MARCHF1: variants seen among roughly 807,000 people sequenced by gnomAD.
MARCHF1 encodes membrane associated ring-CH-type finger 1.
In MARCHF1, 40 loss-of-function variants were observed where a neutral mutation model predicts 54.2. The observed-to-expected ratio is 0.74, with a 90% CI of 0.57 to 0.96. The LOEUF (loss-of-function observed/expected upper bound fraction) is 0.96, where lower values mean the gene tolerates loss of function less well. Ranked by LOEUF, MARCHF1 falls within the 40% of genes least tolerant of loss-of-function variation. MARCHF1 has a pLI of 0.00. For missense variants in MARCHF1, 586 were observed against 656.5 expected (o/e 0.89, Z 1.17); for synonymous variants, 236 against 236.3 (o/e 1.00, Z 0.01).
intron 1 of MARCHF1, chr4:164,189,038 T>C: frequency 1.4e-6 from 1 of 690,750 alleles, no homozygotes; most frequent in Non-Finnish European, 2.6e-6. Flanking sequence ...GAAGACATCC[T>C]GTTGTTCCAC....
At chr4:164,159,792 GA>G (rs1226149803) in intron 1 of MARCHF1, among the ~76,000 whole-genome samples, 1 of 152,182 alleles carries the variant, frequency 6.6e-6, no homozygotes, top group Non-Finnish European at 1.5e-5. Flanking sequence ...AGTGGAAAGA[GA>G]AATGAATTTA....
intron 1 of MARCHF1, among the ~76,000 whole-genome samples, chr4:164,114,966 ATCAAATGAAATGTGTTCCCTTACAATC>A (rs1217459423): frequency 3.9e-5 from 6 of 152,044 alleles, no homozygotes; most frequent in Non-Finnish European, 8.8e-5. Context: ...CTGAAGAATC[ATCAAATGAAATGTGTTCCCTTACAATC>A]TCAGAAGGTG....
chr4:164,377,200 C>G (rs538782619), intron 1 of MARCHF1, among the ~76,000 whole-genome samples: 3 of 151,590 alleles, frequency 2.0e-5, no homozygotes, highest in Admixed American at 6.6e-5. Context: ...CGTCACCAGG[C>G]AGACTTAACA....
At chr4:164,240,635 T>G (rs1049115780) in intron 1 of MARCHF1, among the ~76,000 whole-genome samples, 1 of 152,072 alleles carries the variant, frequency 6.6e-6, no homozygotes, top group Admixed American at 6.6e-5. Flanking sequence ...TTTGCAAAAA[T>G]TGTAACAGTG....
At chr4:164,244,082 G>C (rs1368311063) in intron 1 of MARCHF1, among the ~76,000 whole-genome samples, 1 of 151,994 alleles carries the variant, frequency 6.6e-6, no homozygotes, top group Admixed American at 6.6e-5. Flanking sequence ...TCCAGGAATT[G>C]AACTCAGCTC....
chr4:164,117,149 T>C (rs1755954805), intron 1 of MARCHF1, among the ~76,000 whole-genome samples: 1 of 151,944 alleles, frequency 6.6e-6, no homozygotes, highest in Non-Finnish European at 1.5e-5. Flanking sequence ...TCCCAGCTAC[T>C]TGGGAGGCTG....
intron 1 of MARCHF1, among the ~76,000 whole-genome samples, chr4:164,294,252 A>G (rs941040195): frequency 3.9e-5 from 6 of 152,322 alleles, no homozygotes; most frequent in African/African-American, 1.4e-4. Context: ...CTCAGCTTGC[A>G]GACAGCCCAC....
At chr4:163,803,312 T>C (rs1748133642) in intron 4 of MARCHF1, among the ~76,000 whole-genome samples, 1 of 152,148 alleles carries the variant, frequency 6.6e-6, no homozygotes, top group African/African-American at 2.4e-5. Flanking sequence ...TAGCTGGGAT[T>C]ACAGGTGTGC....
At chr4:164,144,498 G>A (rs545472059) in intron 1 of MARCHF1, among the ~76,000 whole-genome samples, 5 of 151,930 alleles carry the variant, frequency 3.3e-5, no homozygotes, top group African/African-American at 1.2e-4. Context: ...AATCAAACTA[G>A]AACTCAGGAT....
intron 2 of MARCHF1, among the ~76,000 whole-genome samples, chr4:164,057,447 C>T (rs1004344124): frequency 6.6e-6 from 1 of 152,268 alleles, no homozygotes; most frequent in South Asian, 2.1e-4. Flanking sequence ...ATTTTATAAT[C>T]TCCTTCATGT....
At chr4:164,383,682 A>T (rs905892077) in intron 1 of MARCHF1, 188 bp downstream of exon 1, 1 of 152,486 alleles carries the variant, frequency 6.6e-6, no homozygotes, top group Non-Finnish European at 1.5e-5. Context: ...GGGTGGCAGC[A>T]CCCGCCGCGA....
intron 5 of MARCHF1, among the ~76,000 whole-genome samples, chr4:163,639,419 G>A (rs1422298300): frequency 1.3e-5 from 2 of 152,140 alleles, no homozygotes; most frequent in Non-Finnish European, 2.9e-5. Flanking sequence ...GAGAGAAACA[G>A]TGGTAAACAT....
At chr4:164,142,981 G>C (rs1262066513) in intron 1 of MARCHF1, among the ~76,000 whole-genome samples, 1 of 151,878 alleles carries the variant, frequency 6.6e-6, no homozygotes, top group African/African-American at 2.4e-5. Context: ...GCTTAACGGA[G>C]CTGATGGAGC....
At chr4:163,630,653 G>A (rs1055814274) in intron 5 of MARCHF1, among the ~76,000 whole-genome samples, 10 of 152,050 alleles carry the variant, frequency 6.6e-5, no homozygotes, top group Non-Finnish European at 1.0e-4. Flanking sequence ...AATGGATTGT[G>A]GTGAGAAAAA....
At chr4:163,651,563 ATTC>A (rs1742968386) in intron 5 of MARCHF1, among the ~76,000 whole-genome samples, 1 of 89,792 alleles carries the variant, frequency 1.1e-5, no homozygotes, top group South Asian at 3.2e-4. Context: ...AGACTTTCTT[ATTC>A]TTTTTTTAAA....
chr4:164,290,050 C>T (rs1734249914), intron 1 of MARCHF1, among the ~76,000 whole-genome samples: 1 of 151,972 alleles, frequency 6.6e-6, no homozygotes, highest in Non-Finnish European at 1.5e-5. Context: ...CACACAGACA[C>T]ACAATTTCTT....
intron 4 of MARCHF1, among the ~76,000 whole-genome samples, chr4:163,782,613 G>A (rs1747497775): frequency 6.9e-6 from 1 of 144,358 alleles, no homozygotes; most frequent in East Asian, 2.0e-4. Context: ...AGGTTGCAGG[G>A]AGCAGAGATA....
At chr4:163,552,720 T>G (rs1739146862) in intron 8 of MARCHF1, among the ~76,000 whole-genome samples, 1 of 152,192 alleles carries the variant, frequency 6.6e-6, no homozygotes, top group African/African-American at 2.4e-5. Context: ...CTGTCTGTGA[T>G]CCAACAAGTG....
At chr4:164,229,104 G>A (rs1732336872) in intron 1 of MARCHF1, among the ~76,000 whole-genome samples, 1 of 152,112 alleles carries the variant, frequency 6.6e-6, no homozygotes, top group African/African-American at 2.4e-5. Context: ...TCACTACATG[G>A]CAGCTTTTAT....
Sources: allele counts gnomAD v4.1 joint callset (sites outside exome capture counted in the v4.1 genomes callset), GRCh38; gene constraint gnomAD v4.1.1; transcripts MANE v1.5; gene names NCBI Gene and HGNC (gene_info 2026-07-23, HGNC 2026-07-21).